FNIP1: variants seen among roughly 807,000 people sequenced by gnomAD.
FNIP1 encodes the protein folliculin-interacting protein 1.
Under a neutral mutation model 124.5 loss-of-function variants are expected in FNIP1, and 40 were observed. The observed-to-expected ratio is 0.32, with a 90% CI of 0.25 to 0.42. FNIP1 has a LOEUF of 0.42. Among genes scored for constraint, FNIP1 ranks in the 10% least tolerant of loss-of-function variants. FNIP1 has a pLI of 1.00. For synonymous variants in FNIP1, 472 were observed against 470.6 expected (o/e 1.00, Z -0.04); for missense variants, 1,176 against 1,403.7 (o/e 0.84, Z 2.59).
At chr5:131,693,340 A>ATATATACATG (rs1768570261) in intron 11 of FNIP1, among the ~76,000 whole-genome samples, 1 of 128,816 alleles carries the variant, frequency 7.8e-6, no homozygotes, top group African/African-American at 2.9e-5. Context: ...ATACATATAT[A>ATATATACATG]TATATATATA....
intron 15 of FNIP1, among the ~76,000 whole-genome samples, chr5:131,663,529 G>GAAGAT (rs1213431509): frequency 7.5e-6 from 1 of 133,728 alleles, no homozygotes; most frequent in Admixed American, 7.0e-5. Flanking sequence ...AAATAAAAAA[G>GAAGAT]AAGATTATTG....
chr5:131,735,680 T>A (rs574441316), intron 2 of FNIP1, among the ~76,000 whole-genome samples: 1 of 150,168 alleles, frequency 6.7e-6, no homozygotes, highest in African/African-American at 2.4e-5. Flanking sequence ...GTATAAAATA[T>A]GTATATTAGA....
chr5:131,724,773 C>T (rs1460790386), intron 3 of FNIP1, among the ~76,000 whole-genome samples: 1 of 151,002 alleles, frequency 6.6e-6, no homozygotes, highest in Non-Finnish European at 1.5e-5. Context: ...AAAGTCTTTG[C>T]CTATGCCTAT....
In FNIP1 at chr5:131,728,942, C is replaced by G. The variant is rs1561677568; in HGVS notation, c.354+1962G>C. ...TTTTCCTTCTACCAGTCAGGCCCCT[C>G]CGCTGCAGGTCTGCTGGTGTTTGCT... On this transcript the variant is annotated intron_variant, in intron 3 of 17. Coordinates refer to ENST00000510461, the MANE Select transcript of FNIP1 (RefSeq NM_133372.3). Among the ~76,000 whole-genome samples, 3 of 152,170 alleles carry G rather than the reference C, an allele frequency of 2.0e-5. No individual in the cohort carries two copies. The South Asian group carries it at 6.2e-4, about 32-fold the overall frequency.
intron 8 of FNIP1, 48 bp from the exon 9 acceptor site, chr5:131,706,594 TA>T (rs749928907): frequency 7.0e-7 from 1 of 1,419,572 alleles, no homozygotes; most frequent in Non-Finnish European, 9.3e-7. Flanking sequence ...TGACTAAGCA[TA>T]ATGACAAATT....
intron 1 of FNIP1, among the ~76,000 whole-genome samples, chr5:131,756,273 T>C (rs1010153049): frequency 6.6e-6 from 1 of 152,146 alleles, no homozygotes; most frequent in South Asian, 2.1e-4. Context: ...TGTGACCATA[T>C]AACCAACCAT....
intron 5 of FNIP1, among the ~76,000 whole-genome samples, chr5:131,717,886 A>C (rs1210459229): frequency 6.6e-6 from 1 of 152,100 alleles, no homozygotes; most frequent in African/African-American, 2.4e-5. Context: ...AATATTTTAA[A>C]GGATACCCCC....
chr5:131,686,638 C>T (rs1768281785), intron 11 of FNIP1, among the ~76,000 whole-genome samples: 1 of 152,088 alleles, frequency 6.6e-6, no homozygotes, highest in African/African-American at 2.4e-5. Context: ...AATGGGGTAT[C>T]CACCATCTTA....
At chr5:131,673,040 C>A in intron 13 of FNIP1, 116 bp from the exon 14 acceptor site, 1 of 733,318 alleles carries the variant, frequency 1.4e-6, no homozygotes, top group Non-Finnish European at 2.0e-6. Flanking sequence ...TTAGGTTTTA[C>A]TCGTTTTTTT....
intron 1 of FNIP1, among the ~76,000 whole-genome samples, chr5:131,748,650 T>C (rs1053309627): frequency 2.7e-5 from 4 of 148,028 alleles, no homozygotes; most frequent in South Asian, 4.3e-4. Context: ...TGAGCCAAGA[T>C]TGCGCCACTG....
intron 1 of FNIP1, among the ~76,000 whole-genome samples, chr5:131,747,747 A>G (rs1387347801): frequency 6.6e-6 from 1 of 152,136 alleles, no homozygotes; most frequent in Non-Finnish European, 1.5e-5. Context: ...GAAAACAGAC[A>G]ACTGGTAAGA....
At chr5:131,695,733 C>T (rs1454126328) in intron 11 of FNIP1, among the ~76,000 whole-genome samples, 1 of 152,180 alleles carries the variant, frequency 6.6e-6, no homozygotes, top group Non-Finnish European at 1.5e-5. Flanking sequence ...AGAAAGCTTG[C>T]CTGGCCTACA....
chr5:131,742,116 A>G (rs1263273087), intron 2 of FNIP1, among the ~76,000 whole-genome samples: 2 of 152,148 alleles, frequency 1.3e-5, no homozygotes, highest in East Asian at 3.8e-4. Context: ...TCTGTTTATA[A>G]CTCATGGCGA....
intron 16 of FNIP1, among the ~76,000 whole-genome samples, chr5:131,649,148 TTTAA>T (rs1354696221): frequency 1.3e-5 from 2 of 152,314 alleles, no homozygotes; most frequent in East Asian, 3.9e-4. Context: ...AATCCCTGCT[TTTAA>T]TTGTTTTGAG....
chr5:131,787,828 G>C lies in FNIP1; in HGVS notation c.92+9002C>G, dbSNP rs1187759480. On this transcript the variant is annotated intron_variant, in intron 1 of 17. Coordinates refer to ENST00000510461, the MANE Select transcript of FNIP1 (RefSeq NM_133372.3). ...AAAATCAATTTAGAAGAACAGTGTG[G>C]GGCCAGGTGCAGCAGCTCACACCTG... Among the ~76,000 whole-genome samples, 3 of 152,040 alleles carry C rather than the reference G, an allele frequency of 2.0e-5. No homozygotes were observed. The East Asian group carries it at 5.8e-4, about 29-fold the overall frequency.
intron 11 of FNIP1, among the ~76,000 whole-genome samples, chr5:131,692,787 C>T (rs574560787): frequency 5.5e-4 from 83 of 152,068 alleles, no homozygotes; most frequent in African/African-American, 1.7e-3. Flanking sequence ...GTGGGCAGAT[C>T]GCTTGAGGCC....
Position 131,724,629 on chromosome 5 carries a change from CAA to C in FNIP1, c.355-5214_355-5213del, listed in dbSNP as rs199560269. Among the ~76,000 whole-genome samples the C allele has an allele frequency of 6.5e-3, 989 of 152,260 alleles. 6 individuals carry two copies. The highest frequency in any genetic ancestry group is 0.022 in the African/African-American group (914 of 41,532). ...AGCCCTTTGTCAGATGGGCTAATTG[CAA>C]AAGTTTTCTCCCATTCTGCAGGTTG... On this transcript the variant is annotated intron_variant, in intron 3 of 17. Transcript: ENST00000510461.
At position 131,785,096 on chromosome 5, in the gene FNIP1, T is replaced by C. The variant is rs1249666210; in HGVS notation, c.92+11734A>G. On this transcript the variant is annotated intron_variant, in intron 1 of 17. Coordinates refer to ENST00000510461, the MANE Select transcript of FNIP1 (RefSeq NM_133372.3). ...ATATATGACATATATATATGATATA[T>C]ATGACTATATATATATCATATATAT... Among the ~76,000 whole-genome samples the C allele has an allele frequency of 3.4e-3, 77 of 22,422 alleles. 1 individual carries two copies. The East Asian group carries it at 0.043, about 13-fold the overall frequency. 14.7% of individuals were successfully genotyped at this position (22,422 alleles called of 152,430 possible).
intron 2 of FNIP1, among the ~76,000 whole-genome samples, chr5:131,739,392 C>T (rs1770429803): frequency 6.6e-6 from 1 of 152,202 alleles, no homozygotes; most frequent in Non-Finnish European, 1.5e-5. Flanking sequence ...CTTTCTTCCA[C>T]ATGGCTAATT....
Sources: gnomAD v4.1 joint callset for allele counts (sites outside exome capture counted in the v4.1 genomes callset) on GRCh38, gnomAD v4.1.1 for gene constraint, MANE v1.5 for transcripts, NCBI Gene and HGNC (gene_info 2026-07-23, HGNC 2026-07-21) for gene names.